The following FHIT variants were observed in gnomAD, a reference collection of about 807,000 sequenced individuals.
The protein encoded by FHIT is bis(5'-adenosyl)-triphosphatase.
A neutral mutation model predicts 17.9 loss-of-function variants in FHIT; 19 were observed. That is an observed-to-expected ratio of 1.06 (90% CI 0.74 to 1.56). The LOEUF (loss-of-function observed/expected upper bound fraction) is 1.56, where lower values mean the gene tolerates loss of function less well. Among genes scored for constraint, FHIT ranks in the 40% most tolerant of loss-of-function variants. The probability of loss-of-function intolerance (pLI) is 0.00; values close to 1 mark genes in which losing one functional copy is unlikely to be tolerated. For missense variants in FHIT, 248 were observed against 189.2 expected (o/e 1.31, Z -1.82); for synonymous variants, 81 against 69.7 (o/e 1.16, Z -0.81).
At chr3:61,063,310 A>C (rs1004293197) in intron 2 of FHIT, among the ~76,000 whole-genome samples, 1 of 151,808 alleles carries the variant, frequency 6.6e-6, no homozygotes, top group African/African-American at 2.4e-5. Flanking sequence ...CAAATCAACC[A>C]CATCGGGTAG....
intron 5 of FHIT, among the ~76,000 whole-genome samples, chr3:60,385,313 C>G (rs995360344): frequency 2.6e-5 from 4 of 152,138 alleles, no homozygotes; most frequent in African/African-American, 9.7e-5. Context: ...TTTAAAAATG[C>G]CTTAAATCAC....
chr3:60,640,098 A>G (rs2107789454), intron 4 of FHIT, among the ~76,000 whole-genome samples: 1 of 152,326 alleles, frequency 6.6e-6, no homozygotes, highest in Non-Finnish European at 1.5e-5. Flanking sequence ...AGTGACAGAA[A>G]ATAAAATCAA....
Position 60,518,736 on chromosome 3 carries a change from C to T in FHIT, c.103+18124G>A, listed in dbSNP as rs141095696. On this transcript the variant is annotated intron_variant, in intron 5 of 9. Coordinates refer to ENST00000492590, the MANE Select transcript of FHIT (RefSeq NM_002012.4). ...ATTTCATTTATATGCAGGCTGGGTG[C>T]GCTGGCTCATGCCTGTAATCCAAGC... Among the ~76,000 whole-genome samples the T allele has an allele frequency of 3.9e-3, 590 of 152,234 alleles. 3 individuals are homozygous for T. Among genetic ancestry groups the T allele is most frequent in the African/African-American group, 0.014 (566 of 41,536 alleles).
chr3:60,617,218 G>T (rs546643212), intron 4 of FHIT: 1 of 174,460 alleles, frequency 5.7e-6, no homozygotes, highest in South Asian at 1.4e-4. Flanking sequence ...AAAACAATGG[G>T]ATCTATGAAG....
At chr3:60,416,918 C>A (rs1702268018) in intron 5 of FHIT, among the ~76,000 whole-genome samples, 1 of 151,924 alleles carries the variant, frequency 6.6e-6, no homozygotes, top group African/African-American at 2.4e-5. Context: ...AACCCCGTCT[C>A]TACTAAAAAA....
At chr3:60,261,585 T>A (rs1317913263) in intron 5 of FHIT, among the ~76,000 whole-genome samples, 1 of 152,028 alleles carries the variant, frequency 6.6e-6, no homozygotes, top group Non-Finnish European at 1.5e-5. Flanking sequence ...TGATGTCAGA[T>A]CCTCTTCAAC....
At chr3:60,417,760 C>T (rs1007760050) in intron 5 of FHIT, among the ~76,000 whole-genome samples, 1 of 152,118 alleles carries the variant, frequency 6.6e-6, no homozygotes, top group African/African-American at 2.4e-5. Flanking sequence ...AATACCCTGT[C>T]TCAGTTCATT....
intron 7 of FHIT, among the ~76,000 whole-genome samples, chr3:59,956,771 C>G (rs1707423437): frequency 6.6e-6 from 1 of 152,102 alleles, no homozygotes; most frequent in South Asian, 2.1e-4. Flanking sequence ...GGTGAATATT[C>G]AATAAAACAA....
chr3:60,501,081 C>G (rs183253543), intron 5 of FHIT, among the ~76,000 whole-genome samples: 1 of 152,286 alleles, frequency 6.6e-6, no homozygotes, highest in Non-Finnish European at 1.5e-5. Flanking sequence ...GAACTTGACT[C>G]TTTCAGCCAG....
At chr3:60,117,129 T>A (rs1286080224) in intron 5 of FHIT, among the ~76,000 whole-genome samples, 7 of 132,838 alleles carry the variant, frequency 5.3e-5, no homozygotes, top group African/African-American at 2.0e-4. Flanking sequence ...AATTAATTGC[T>A]AAATTTTAAT....
chr3:59,754,605 A>G (rs1701107128), intron 8 of FHIT, among the ~76,000 whole-genome samples: 1 of 152,216 alleles, frequency 6.6e-6, no homozygotes, highest in African/African-American at 2.4e-5. Context: ...GAAATAAAGC[A>G]TTAAGTGGCC....
At chr3:60,751,397 T>C (rs2108031986) in intron 4 of FHIT, among the ~76,000 whole-genome samples, 1 of 152,330 alleles carries the variant, frequency 6.6e-6, no homozygotes, top group South Asian at 2.1e-4. Context: ...CAGATGCTTC[T>C]ATGAGAATCA....
intron 5 of FHIT, among the ~76,000 whole-genome samples, chr3:60,421,777 G>T (rs1395852707): frequency 6.6e-6 from 1 of 151,994 alleles, no homozygotes; most frequent in Non-Finnish European, 1.5e-5. Flanking sequence ...CTTGAAACAG[G>T]ACATTCTGTT....
At chr3:59,800,501 G>C (rs926743521) in intron 8 of FHIT, among the ~76,000 whole-genome samples, 6 of 152,170 alleles carry the variant, frequency 3.9e-5, no homozygotes, top group Non-Finnish European at 7.4e-5. Context: ...AGTGGCCCGG[G>C]CTTTTACTCC....
At chr3:59,856,863 G>C (rs577823124) in intron 8 of FHIT, among the ~76,000 whole-genome samples, 2 of 126,072 alleles carry the variant, frequency 1.6e-5, no homozygotes, top group East Asian at 4.7e-4. Context: ...TTAGCTCCCC[G>C]GCTGAGTATT....
At chr3:60,069,030 C>G (rs577389008) in intron 5 of FHIT, among the ~76,000 whole-genome samples, 3 of 152,178 alleles carry the variant, frequency 2.0e-5, no homozygotes, top group African/African-American at 7.2e-5. Context: ...CTTGTAATTG[C>G]TATCCTAAGG....
In FHIT at chr3:60,381,383, C is replaced by A. The variant is rs146306195; in HGVS notation, c.103+155477G>T. Among the ~76,000 whole-genome samples, 1,171 of 151,808 alleles carry A rather than the reference C, an allele frequency of 7.7e-3. 23 individuals are homozygous for A. The highest frequency in any genetic ancestry group is 0.027 in the African/African-American group (1,128 of 41,352). On this transcript the variant is annotated intron_variant, in intron 5 of 9. Coordinates refer to ENST00000492590, the MANE Select transcript of FHIT (RefSeq NM_002012.4). ...ATCCCAGCTACATGGGGGGCTAAGG[C>A]AGGAGAATTGCTTGAACCTGGGAAG...
intron 5 of FHIT, among the ~76,000 whole-genome samples, chr3:60,264,119 T>C (rs1015699156): frequency 1.3e-5 from 2 of 151,902 alleles, no homozygotes; most frequent in Non-Finnish European, 2.9e-5. Context: ...ATATTAGAGA[T>C]GGATCCAAAG....
chr3:61,205,846 T>G (rs1278524191), intron 1 of FHIT, among the ~76,000 whole-genome samples: 24 of 150,756 alleles, frequency 1.6e-4, no homozygotes, highest in African/African-American at 5.1e-4. Context: ...GTCAATTTTG[T>G]CTTTTAATGC....
Sources: allele counts gnomAD v4.1 joint callset (sites outside exome capture counted in the v4.1 genomes callset), GRCh38; gene constraint gnomAD v4.1.1; transcripts MANE v1.5; gene names NCBI Gene and HGNC (gene_info 2026-07-23, HGNC 2026-07-21).